TRAPPC12: variants seen among roughly 807,000 people sequenced by gnomAD.
The protein encoded by TRAPPC12 is TPR repeat protein 15.
A neutral mutation model predicts 69.2 loss-of-function variants in TRAPPC12; 61 were observed. The ratio of observed to expected loss-of-function variants is 0.88; its 90% CI spans 0.72 to 1.09. The LOEUF (loss-of-function observed/expected upper bound fraction) is 1.09. Ranked by LOEUF, TRAPPC12 falls within the 50% of genes least tolerant of loss-of-function variation. The pLI is 0.00. For synonymous variants in TRAPPC12, 469 were observed against 438.9 expected, an observed-to-expected ratio of 1.07 and a Z score of -0.86; for missense variants, 1,101 against 1,016.4, an observed-to-expected ratio of 1.08 and a Z score of -1.13.
intron 5 of TRAPPC12, among the ~76,000 whole-genome samples, chr2:3,436,730 C>A (rs951498598): frequency 1.3e-5 from 2 of 151,496 alleles, no homozygotes; most frequent in Non-Finnish European, 2.9e-5. Context: ...CCCCACCACC[C>A]CTGGATTAAT....
intron 9 of TRAPPC12, among the ~76,000 whole-genome samples, chr2:3,476,931 G>A (rs1039930385): frequency 1.3e-5 from 2 of 152,242 alleles, no homozygotes; most frequent in Admixed American, 6.5e-5. Context: ...CTTTACCCTC[G>A]TGAGCGCGGC....
chr2:3,393,076 C>A (rs1258562878), intron 2 of TRAPPC12, among the ~76,000 whole-genome samples: 1 of 151,810 alleles, frequency 6.6e-6, no homozygotes, highest in Non-Finnish European at 1.5e-5. Context: ...CACCACTGCA[C>A]TCCAGCATGG....
chr2:3,421,302 G>A (rs960029196), intron 3 of TRAPPC12, among the ~76,000 whole-genome samples: 5 of 152,218 alleles, frequency 3.3e-5, no homozygotes, highest in African/African-American at 1.2e-4. Context: ...CCATGTTGAA[G>A]CCGTAACGTT....
At chr2:3,386,940 A>G (rs957872023) in intron 1 of TRAPPC12, among the ~76,000 whole-genome samples, 2 of 152,196 alleles carry the variant, frequency 1.3e-5, no homozygotes, top group Non-Finnish European at 2.9e-5. Flanking sequence ...GGAATGACAA[A>G]CGGTTCAGCC....
intron 7 of TRAPPC12, among the ~76,000 whole-genome samples, chr2:3,458,825 G>A (rs1475031149): frequency 6.6e-6 from 1 of 152,172 alleles, no homozygotes; most frequent in Non-Finnish European, 1.5e-5. Context: ...TATAAGGAGG[G>A]TAGGGGAGGA....
chr2:3,442,442 A>G (rs1380595241), intron 5 of TRAPPC12, among the ~76,000 whole-genome samples: 1 of 152,194 alleles, frequency 6.6e-6, no homozygotes. Flanking sequence ...ACTTAATTGT[A>G]GGCCAGTCCC....
At chr2:3,382,434 ACTTTTT>A (rs1281421126) in intron 1 of TRAPPC12, among the ~76,000 whole-genome samples, 1 of 152,034 alleles carries the variant, frequency 6.6e-6, no homozygotes, top group Non-Finnish European at 1.5e-5. Flanking sequence ...CGCCCAGCCT[ACTTTTT>A]CTTTTAGGAC....
chr2:3,391,840 C>A (rs749059588), intron 2 of TRAPPC12, among the ~76,000 whole-genome samples: 2 of 152,124 alleles, frequency 1.3e-5, no homozygotes, highest in African/African-American at 2.4e-5. Flanking sequence ...CCTTCTCTCT[C>A]GGGGTCTTTG....
intron 9 of TRAPPC12, 151 bp downstream of exon 9, chr2:3,465,846 C>T: frequency 1.6e-6 from 1 of 644,610 alleles, no homozygotes; most frequent in Non-Finnish European, 2.7e-6. Flanking sequence ...AGGGTGGGTT[C>T]TTTCCAGGAG....
chr2:3,393,060 T>C (rs1015962247), intron 2 of TRAPPC12, among the ~76,000 whole-genome samples: 5 of 152,126 alleles, frequency 3.3e-5, no homozygotes, highest in African/African-American at 1.2e-4. Flanking sequence ...CAATGAGCTA[T>C]GATGGCACCA....
chr2:3,465,804 A>G, intron 9 of TRAPPC12, 109 bp downstream of exon 9: 1 of 796,528 alleles, frequency 1.3e-6, no homozygotes, highest in Admixed American at 2.1e-5. Context: ...ACTGCAGAAA[A>G]TATTCCAATT....
chr2:3,418,633 A>G (rs1490472265), intron 3 of TRAPPC12, among the ~76,000 whole-genome samples: 2 of 152,212 alleles, frequency 1.3e-5, no homozygotes, highest in Non-Finnish European at 2.9e-5. Flanking sequence ...GCAGGTGCAC[A>G]CGAGGCTGGG....
rs1053902174 is a variant in TRAPPC12, at chr2:3,414,439, G to T, written c.1165-7442G>T. 1.3e-5 allele frequency among the ~76,000 whole-genome samples: 2 copies of T among 151,784 alleles called. No homozygotes were observed. Among genetic ancestry groups the T allele is most frequent in the Non-Finnish European group, 2.9e-5 (2 of 67,950 alleles). The stretch of plus-strand genomic sequence containing the variant: ...TCATTCTCTCCCTTCAAAGCCCCCC[G>T]GGTTCTTGTCCTCCCCCCTGCCGCC... On this transcript the variant is annotated intron_variant, in intron 3 of 11. Transcript: ENST00000324266. The surrounding 1 kb of genome is among the most constrained non-coding windows in gnomAD (Gnocchi z 4.9).
chr2:3,398,606 G>A (rs1421613018), intron 2 of TRAPPC12, among the ~76,000 whole-genome samples: 3 of 152,270 alleles, frequency 2.0e-5, no homozygotes, highest in South Asian at 2.1e-4. Context: ...AGGCCCATAC[G>A]CTTTCAGTCC....
At chr2:3,436,394 C>T (rs1157703363) in intron 5 of TRAPPC12, among the ~76,000 whole-genome samples, 1 of 152,086 alleles carries the variant, frequency 6.6e-6, no homozygotes. Flanking sequence ...GAGACACCAT[C>T]TTTATTGTAT....
At chr2:3,417,821 T>C (rs2103044905) in intron 3 of TRAPPC12, among the ~76,000 whole-genome samples, 1 of 152,184 alleles carries the variant, frequency 6.6e-6, no homozygotes, top group South Asian at 2.1e-4. Context: ...GGCAGGCAGA[T>C]CACCGGAGGT....
intron 2 of TRAPPC12, among the ~76,000 whole-genome samples, chr2:3,391,164 A>G (rs192950684): frequency 3.2e-4 from 48 of 152,330 alleles, no homozygotes; most frequent in African/African-American, 1.0e-3. Context: ...AGTAGTTTCC[A>G]TATGGCACTG....
At position 3,443,880 on chromosome 2, in the gene TRAPPC12, G is replaced by A. The variant is rs1664360005; in HGVS notation, c.1519G>A (p.Val507Ile). ...GGATAGACTGCACAAGGTGAAGACT[G>A]TCTGCAGCAAGGTAGGTGGCGCTGT... ...SLDRLHKVKTVCSKILANLEQ... is the reference protein window; with the variant it reads ...SLDRLHKVKTICSKILANLEQ... Residue 507 changes from valine (V) to isoleucine (I), a missense_variant, in exon 6 of 12, where the codon GTC becomes ATC. Val to Ile is a conservative substitution (Grantham distance 29). Transcript: ENST00000324266. 6.2e-7 allele frequency: 1 copy of A among 1,613,178 alleles called. No individual in the cohort carries two copies. Among genetic ancestry groups the A allele is most frequent in the East Asian group, 2.2e-5 (1 of 44,868 alleles).
chr2:3,424,062 G>A (rs1268257143), intron 4 of TRAPPC12, among the ~76,000 whole-genome samples: 6 of 152,112 alleles, frequency 3.9e-5, no homozygotes, highest in Non-Finnish European at 2.9e-5. Flanking sequence ...CGTTCCCGCC[G>A]TCATTCCCCC....
Sources: allele counts gnomAD v4.1 joint callset (sites outside exome capture counted in the v4.1 genomes callset), GRCh38; gene constraint gnomAD v4.1.1; non-coding constraint Gnocchi (gnomAD v3.1); transcripts MANE v1.5; gene names NCBI Gene and HGNC (gene_info 2026-07-23, HGNC 2026-07-21).